Variants in POPDC3 observed in about 807,000 individuals in gnomAD.
POPDC3 encodes the protein popeye domain cAMP effector 3, also known as popeye domain-containing protein 3.
In POPDC3, 20 loss-of-function variants were observed where a neutral mutation model predicts 28.2. That is an observed-to-expected ratio of 0.71 (90% CI 0.50 to 1.03). POPDC3 has a LOEUF of 1.03. Among genes scored for constraint, POPDC3 ranks in the 50% least tolerant of loss-of-function variants. POPDC3 has a pLI of 0.00. For synonymous variants in POPDC3, 118 were observed against 124.1 expected (o/e 0.95, Z 0.33); for missense variants, 316 against 345.9 (o/e 0.91, Z 0.69).
At chr6:105,166,868 T>TTA (rs1491090109) in intron 1 of POPDC3, among the ~76,000 whole-genome samples, 1 of 148,948 alleles carries the variant, frequency 6.7e-6, no homozygotes, top group African/African-American at 2.5e-5. Context: ...ACATAGATGG[T>TTA]TGTGTGTGTG....
At chr6:105,179,291 A>G (rs182665561) in intron 1 of POPDC3, 1 of 980,626 alleles carries the variant, frequency 1.0e-6, no homozygotes, top group Admixed American at 6.1e-5. Context: ...ACTCTGTGAG[A>G]ACAGTGTGAG....
Position 105,161,701 on chromosome 6 carries a change from A to AT in POPDC3, c.208_209insA (p.Val70AspfsTer7). 6.2e-7 allele frequency: 1 copy of AT among 1,614,204 alleles called. No homozygotes were observed. ...AAATATGTCAGCTGCACAGACATCTACCCAAGCCCAGACAGCAGAACAGAG... is the reference window on the plus strand; with the variant it reads ...AAATATGTCAGCTGCACAGACATCTATCCCAAGCCCAGACAGCAGAACAGAG... On this transcript the variant is annotated frameshift_variant, in exon 2 of 4. Transcript: ENST00000254765. LOFTEE classifies it high-confidence loss of function.
At position 105,162,133 on chromosome 6, in the gene POPDC3, A is replaced by T; in HGVS notation, c.-224T>A. ...AAGTTCATCTGGGCTCCTGATTTGG[A>T]TCCAGTCTGCAAATATTTTGGTATT... On this transcript the variant is annotated 5_prime_UTR_variant, in exon 2 of 4. Coordinates refer to ENST00000254765, the MANE Select transcript of POPDC3 (RefSeq NM_022361.5). The T allele has an allele frequency of 7.8e-7, 1 of 1,280,078 alleles. No individual in the cohort carries two copies. Among genetic ancestry groups the T allele is most frequent in the Non-Finnish European group, 9.8e-7 (1 of 1,017,722 alleles). 79.3% of individuals were successfully genotyped at this position (1,280,078 alleles called of 1,614,324 possible).
chr6:105,175,685 T>C (rs11966652), intron 1 of POPDC3, among the ~76,000 whole-genome samples: 1,940 of 145,810 alleles, frequency 0.013, 19 homozygotes, highest in African/African-American at 0.033. Flanking sequence ...CTACTGAAAA[T>C]ACAAAAATTA....
intron 2 of POPDC3, 124 bp downstream of exon 2, chr6:105,161,301 C>T: frequency 9.8e-7 from 1 of 1,020,764 alleles, no homozygotes; most frequent in Non-Finnish European, 1.4e-6. Context: ...TCAAAGACTT[C>T]CTCAAGCCTC....
intron 1 of POPDC3, chr6:105,166,582 T>G (rs1402801581): frequency 2.1e-6 from 1 of 471,316 alleles, no homozygotes; most frequent in Non-Finnish European, 4.4e-6. Context: ...TGTTCTCACT[T>G]CCATCCTTTA....
At chr6:105,162,604 C>A (rs761891094) in intron 1 of POPDC3, among the ~76,000 whole-genome samples, 2 of 152,022 alleles carry the variant, frequency 1.3e-5, no homozygotes, top group Non-Finnish European at 2.9e-5. Context: ...TGGTGGCGTG[C>A]GCCTGGGATC....
Position 105,158,318 on chromosome 6 carries a change from G to T in POPDC3, c.*152C>A. 1 of 595,620 alleles carries T rather than the reference G, an allele frequency of 1.7e-6. No individual in the cohort carries two copies. The highest frequency in any genetic ancestry group is 2.8e-6 in the Non-Finnish European group (1 of 360,884). 36.9% of individuals were successfully genotyped at this position (595,620 alleles called of 1,614,324 possible). On this transcript the variant is annotated 3_prime_UTR_variant, in exon 4 of 4. Coordinates refer to ENST00000254765, the MANE Select transcript of POPDC3 (RefSeq NM_022361.5). The stretch of plus-strand genomic sequence containing the variant: ...TGTAAAGTTTATTCACAATGCAGTT[G>T]TTGAAAGGAATAAAACAGTTGGCAA...
chr6:105,176,648 C>A (rs1774687960), intron 1 of POPDC3, among the ~76,000 whole-genome samples: 2 of 152,192 alleles, frequency 1.3e-5, no homozygotes, highest in Non-Finnish European at 2.9e-5. Flanking sequence ...GCTCCGCCTC[C>A]CAGGTCCAAA....
At chr6:105,167,609 T>A (rs941895942) in intron 1 of POPDC3, among the ~76,000 whole-genome samples, 1 of 151,856 alleles carries the variant, frequency 6.6e-6, no homozygotes, top group Non-Finnish European at 1.5e-5. Context: ...TAGCCAGATG[T>A]GATGGTGGGT....
chr6:105,162,219 A>G (rs1166717174), intron 1 of POPDC3, 59 bp from the exon 2 acceptor site: 2 of 994,490 alleles, frequency 2.0e-6, no homozygotes, highest in African/African-American at 3.4e-5. Flanking sequence ...ATTGTGGGGT[A>G]TATTTAATGA....
intron 1 of POPDC3, among the ~76,000 whole-genome samples, chr6:105,162,731 A>C (rs1774367369): frequency 6.6e-6 from 1 of 152,306 alleles, no homozygotes. Context: ...AAGACTCTGT[A>C]TTAATACATA....
At chr6:105,179,613 C>G (rs1046167437) in intron 1 of POPDC3, among the ~76,000 whole-genome samples, 3 of 152,150 alleles carry the variant, frequency 2.0e-5, no homozygotes, top group African/African-American at 7.2e-5. Context: ...AGCGGCGACA[C>G]AGCCGGGACC....
At chr6:105,179,020 T>C in intron 1 of POPDC3, 1 of 985,420 alleles carries the variant, frequency 1.0e-6, no homozygotes, top group Non-Finnish European at 1.2e-6. Flanking sequence ...AATTCTACTT[T>C]TCCATTTATT....
At chr6:105,177,330 G>GT (rs1235948687) in intron 1 of POPDC3, among the ~76,000 whole-genome samples, 20 of 151,678 alleles carry the variant, frequency 1.3e-4, no homozygotes, top group African/African-American at 4.6e-4. Context: ...CAAAGTGTGG[G>GT]GTTTTTTTTT....
chr6:105,176,521 C>T (rs1305271482), intron 1 of POPDC3, among the ~76,000 whole-genome samples: 2 of 152,042 alleles, frequency 1.3e-5, no homozygotes, highest in East Asian at 3.9e-4. Context: ...TTTAACAATT[C>T]TATTTTTTAT....
chr6:105,168,744 C>G (rs775011758), intron 1 of POPDC3: 2 of 152,278 alleles, frequency 1.3e-5, no homozygotes, highest in Non-Finnish European at 2.9e-5. Flanking sequence ...TACAGGACTC[C>G]ATCATAGGAC....
chr6:105,158,748 T>C lies in POPDC3; in HGVS notation c.598A>G (p.Thr200Ala). The change falls in exon 4 of 4, where the codon ACC becomes GCC. Residue 200 changes from threonine to alanine, a missense_variant. Thr to Ala is a moderately conservative substitution (Grantham distance 58). Transcript: ENST00000254765. ...CGACAATCAGTTTCTGCAGTGAGGG[T>C]TACCTAAAAAACACAAGACCACACA... ...RPTEEGIFQV[T>A]LTAETDCRYV... is the part of the protein sequence containing the mutation. The C allele has an allele frequency of 6.2e-7, 1 of 1,603,616 alleles. No individual in the cohort carries two copies.
intron 1 of POPDC3, among the ~76,000 whole-genome samples, chr6:105,171,732 TTAGTG>T (rs1554198594): frequency 2.0e-5 from 3 of 151,150 alleles, no homozygotes; most frequent in Non-Finnish European, 4.4e-5. Flanking sequence ...AGCCTGCATT[TTAGTG>T]AAATTCCAAT....
Sources: gnomAD v4.1 joint callset for allele counts (sites outside exome capture counted in the v4.1 genomes callset) on GRCh38, gnomAD v4.1.1 for gene constraint, MANE v1.5 for transcripts, NCBI Gene and HGNC (gene_info 2026-07-23, HGNC 2026-07-21) for gene names.